SMARCAD1: variants seen among roughly 807,000 people sequenced by gnomAD.
The protein encoded by SMARCAD1 is SWI/SNF-related matrix-associated actin-dependent regulator of chromatin subfamily A containing DEAD/H box 1.
In SMARCAD1, 25 loss-of-function variants were observed where a neutral mutation model predicts 127.1. The ratio of observed to expected loss-of-function variants is 0.20; its 90% CI spans 0.14 to 0.27. The LOEUF (loss-of-function observed/expected upper bound fraction) is 0.27, where lower values mean the gene tolerates loss of function less well. Among genes scored for constraint, SMARCAD1 ranks in the 10% least tolerant of loss-of-function variants. The pLI is 1.00. For synonymous variants in SMARCAD1, 400 were observed against 396.9 expected, an observed-to-expected ratio of 1.01 and a Z score of -0.09; for missense variants, 807 against 1,206.0, an observed-to-expected ratio of 0.67 and a Z score of 4.90.
chr4:94,276,573 TTAATA>T (rs1276553971), intron 15 of SMARCAD1, 99 bp downstream of exon 15: 19 of 1,423,476 alleles, frequency 1.3e-5, no homozygotes, highest in African/African-American at 1.1e-4. Context: ...ATTATGTAGT[TTAATA>T]TATGTAGTAT....
chr4:94,239,796 C>T (rs898522036), intron 5 of SMARCAD1, among the ~76,000 whole-genome samples: 2 of 152,070 alleles, frequency 1.3e-5, no homozygotes, highest in Non-Finnish European at 2.9e-5. Flanking sequence ...TGATCTCGAA[C>T]TCCTGAGCCC....
intron 14 of SMARCAD1, among the ~76,000 whole-genome samples, 197 bp downstream of exon 14, chr4:94,275,162 ACCT>A (rs1475240367): frequency 9.9e-5 from 15 of 152,150 alleles, no homozygotes; most frequent in African/African-American, 3.1e-4. Flanking sequence ...TTAGTGAATC[ACCT>A]CATTAATGGT....
intron 2 of SMARCAD1, among the ~76,000 whole-genome samples, chr4:94,222,333 A>G (rs2664881): frequency 0.55 from 83,508 of 152,044 alleles, 23,443 homozygotes; most frequent in East Asian, 0.72. Flanking sequence ...AAGTATGGTA[A>G]GTATCAGAGA....
chr4:94,223,771 C>T (rs994941699), intron 2 of SMARCAD1, among the ~76,000 whole-genome samples: 4 of 135,924 alleles, frequency 2.9e-5, no homozygotes, highest in South Asian at 2.3e-4. Flanking sequence ...AAAGTAGAGA[C>T]GAGGTTTCAC....
At chr4:94,269,968 C>T (rs1752308930) in intron 10 of SMARCAD1, among the ~76,000 whole-genome samples, 1 of 152,028 alleles carries the variant, frequency 6.6e-6, no homozygotes, top group Non-Finnish European at 1.5e-5. Flanking sequence ...CCACTGTTTT[C>T]ATTCCTTATA....
intron 23 of SMARCAD1, among the ~76,000 whole-genome samples, chr4:94,288,196 AAAAT>A (rs1430948583): frequency 1.3e-5 from 2 of 151,986 alleles, no homozygotes; most frequent in Non-Finnish European, 2.9e-5. Flanking sequence ...AGCATCTAAG[AAAAT>A]AAACAGTAAT....
chr4:94,249,442 A>G (rs1176609571), intron 6 of SMARCAD1, among the ~76,000 whole-genome samples: 3 of 152,058 alleles, frequency 2.0e-5, no homozygotes, highest in Non-Finnish European at 4.4e-5. Flanking sequence ...CGGATATGCA[A>G]TCAGGGTCTT....
Position 94,226,196 on chromosome 4 carries a change from C to G in SMARCAD1, c.268C>G (p.Gln90Glu), listed in dbSNP as rs1744954583. ...ISYFKNQRGI[Q>E]YIDLSSDSED... ...ATATTTCAAAAATCAAAGAGGAATA[C>G]AGTATATTGATTTGTCTTCTGATAG... The change falls in exon 3 of 24, where the codon CAG (glutamine) becomes GAG (glutamate). Residue 90 changes from glutamine to glutamate, a missense_variant. Transcript: ENST00000354268. The G allele has an allele frequency of 1.9e-6, 3 of 1,610,992 alleles. No homozygotes were observed. The highest frequency in any genetic ancestry group is 1.3e-5 in the African/African-American group (1 of 74,842).
chr4:94,239,253 T>C (rs1452190091), intron 5 of SMARCAD1, among the ~76,000 whole-genome samples: 1 of 152,168 alleles, frequency 6.6e-6, no homozygotes, highest in East Asian at 1.9e-4. Flanking sequence ...GACAGGAAAC[T>C]ATACTTGCCA....
chr4:94,253,197 T>G, intron 9 of SMARCAD1, 190 bp downstream of exon 9: 1 of 1,501,102 alleles, frequency 6.7e-7, no homozygotes, highest in Non-Finnish European at 8.9e-7. Flanking sequence ...TTTGAATGAA[T>G]TAAGGGGTGA....
intron 22 of SMARCAD1, 112 bp from the exon 23 acceptor site, chr4:94,284,848 A>G (rs1754705591): frequency 2.8e-6 from 2 of 709,514 alleles, no homozygotes; most frequent in African/African-American, 1.8e-5. Context: ...GAATTTAAGG[A>G]TATGTTTGTC....
At chr4:94,253,264 A>G (rs1252210010) in intron 9 of SMARCAD1, 10 of 1,464,876 alleles carry the variant, frequency 6.8e-6, no homozygotes, top group Middle Eastern at 1.8e-4. Flanking sequence ...ATTCCTTTGC[A>G]TAGAAACTTC....
intron 2 of SMARCAD1, among the ~76,000 whole-genome samples, chr4:94,217,577 C>A (rs1743397390): frequency 6.6e-6 from 1 of 152,092 alleles, no homozygotes; most frequent in Admixed American, 6.6e-5. Context: ...CTTCTAATTT[C>A]ACTGTTTTGT....
intron 2 of SMARCAD1, among the ~76,000 whole-genome samples, chr4:94,219,729 A>G (rs113513413): frequency 0.021 from 3,153 of 152,308 alleles, 104 homozygotes; most frequent in African/African-American, 0.071. Flanking sequence ...ATATGGAAGG[A>G]CAGGCTGTTT....
rs1437045336 is a variant in SMARCAD1, at chr4:94,212,140, G to A, written c.190+3556G>A. ...AGTAAATATTATTGCATGATGAGTGGGCATTATTAGTACTTTATACATTTT... is the reference window on the plus strand; with the variant it reads ...AGTAAATATTATTGCATGATGAGTGAGCATTATTAGTACTTTATACATTTT... On this transcript the variant is annotated intron_variant, in intron 2 of 23. Coordinates refer to ENST00000354268, the MANE Select transcript of SMARCAD1 (RefSeq NM_020159.5). 5.3e-5 allele frequency among the ~76,000 whole-genome samples: 8 copies of A among 151,838 alleles called. 1 individual carries two copies. The highest frequency in any genetic ancestry group is 5.3e-4 in the Admixed American group (8 of 15,238).
At chr4:94,213,129 C>T in intron 2 of SMARCAD1, 2 of 1,282,492 alleles carry the variant, frequency 1.6e-6, no homozygotes, top group Non-Finnish European at 2.0e-6. Context: ...AAGCCTGATC[C>T]TCCAAGAGCA....
chr4:94,275,491 T>A (rs1008873910), intron 14 of SMARCAD1, among the ~76,000 whole-genome samples: 1 of 152,184 alleles, frequency 6.6e-6, no homozygotes, highest in Admixed American at 6.5e-5. Context: ...GTAGTTATTA[T>A]TTCTCTCTAC....
intron 23 of SMARCAD1, among the ~76,000 whole-genome samples, chr4:94,286,841 A>G (rs1358629235): frequency 1.3e-5 from 2 of 152,296 alleles, no homozygotes; most frequent in East Asian, 1.9e-4. Flanking sequence ...AATAGCTTTG[A>G]AGTGTTTAGT....
At position 94,252,825 on chromosome 4, in the gene SMARCAD1, G is replaced by A. The variant is rs757627876; in HGVS notation, c.1099G>A (p.Gly367Ser). Reference protein sequence around the residue: ...DSEYDSGSDVGSSLDEDYSSG... With the variant: ...DSEYDSGSDVSSSLDEDYSSG... Reference sequence around the variant, plus strand: ...TGAATATGATTCAGGTTCTGATGTCGGTAGTTCACTAGATGAGGACTATAG... The same window carrying A: ...TGAATATGATTCAGGTTCTGATGTCAGTAGTTCACTAGATGAGGACTATAG... Residue 367 changes from glycine (G) to serine (S), a missense_variant, in exon 9 of 24, where the codon GGT (glycine) becomes AGT (serine). Gly to Ser is a moderately conservative substitution (Grantham distance 56). Around this residue, in one of 8 missense-constraint regions of SMARCAD1, gnomAD observed 257 missense variants for 303.4 expected, o/e 0.85. Coordinates refer to ENST00000354268, the MANE Select transcript of SMARCAD1 (RefSeq NM_020159.5). The A allele has an allele frequency of 3.7e-6, 6 of 1,613,952 alleles. No homozygotes were observed. The highest frequency in any genetic ancestry group is 2.2e-5 in the East Asian group (1 of 44,850).
Sources: gnomAD v4.1 joint callset for allele counts (sites outside exome capture counted in the v4.1 genomes callset) on GRCh38, gnomAD v4.1.1 for gene constraint, gnomAD v4.1.1 regional missense constraint, MANE v1.5 for transcripts, NCBI Gene and HGNC (gene_info 2026-07-23, HGNC 2026-07-21) for gene names.